Variants in AKAP6 observed in about 807,000 individuals in gnomAD.
The protein encoded by AKAP6 is A-kinase anchor protein 6.
AKAP6 carries 58 observed loss-of-function variants against 188.5 expected under a neutral mutation model. The observed-to-expected ratio is 0.31, with a 90% CI of 0.25 to 0.38. AKAP6 has a LOEUF of 0.38. Among genes scored for constraint, AKAP6 ranks in the 10% least tolerant of loss-of-function variants. The probability of loss-of-function intolerance (pLI) is 1.00; values close to 1 mark genes in which losing one functional copy is unlikely to be tolerated. For missense variants in AKAP6, 2,710 were observed against 2,740.0 expected, an observed-to-expected ratio of 0.99 and a Z score of 0.24; for synonymous variants, 989 against 998.6, an observed-to-expected ratio of 0.99 and a Z score of 0.18.
intron 7 of AKAP6, chr14:32,628,064 G>A (rs1887100438): frequency 6.6e-6 from 1 of 152,080 alleles, no homozygotes; most frequent in Non-Finnish European, 1.5e-5. Context: ...ATGGAAAAAT[G>A]CAACAGTTGT....
intron 12 of AKAP6, among the ~76,000 whole-genome samples, chr14:32,801,990 T>A (rs935744530): frequency 6.6e-6 from 1 of 152,174 alleles, no homozygotes; most frequent in African/African-American, 2.4e-5. Context: ...GATTTTTTGG[T>A]ATTTATCCTG....
intron 7 of AKAP6, among the ~76,000 whole-genome samples, chr14:32,638,862 A>G (rs1311780976): frequency 4.6e-5 from 7 of 152,064 alleles, no homozygotes; most frequent in African/African-American, 1.4e-4. Context: ...ACATAATATA[A>G]CTATAATGCC....
chr14:32,399,362 A>G (rs1889003495), intron 1 of AKAP6, among the ~76,000 whole-genome samples: 3 of 152,202 alleles, frequency 2.0e-5, no homozygotes, highest in African/African-American at 7.2e-5. Flanking sequence ...TTAAAACATG[A>G]TAAAGAGGTT....
intron 11 of AKAP6, among the ~76,000 whole-genome samples, chr14:32,750,779 G>C (rs2032100891): frequency 7.3e-6 from 1 of 136,436 alleles, no homozygotes; most frequent in East Asian, 2.2e-4. Context: ...GTCTCACTCT[G>C]TCACCCACGC....
intron 9 of AKAP6, among the ~76,000 whole-genome samples, chr14:32,723,575 G>GTGTA (rs1188414381): frequency 6.6e-6 from 1 of 151,718 alleles, no homozygotes; most frequent in Non-Finnish European, 1.5e-5. Context: ...GTGTGTGTGT[G>GTGTA]TGTGTGTGTG....
At chr14:32,410,221 A>G (rs1889437351) in intron 1 of AKAP6, among the ~76,000 whole-genome samples, 2 of 152,060 alleles carry the variant, frequency 1.3e-5, no homozygotes, top group South Asian at 4.1e-4. Flanking sequence ...CCAATAAGAA[A>G]TATTTTATAA....
At chr14:32,351,981 G>A (rs947276820) in intron 1 of AKAP6, among the ~76,000 whole-genome samples, 1 of 151,992 alleles carries the variant, frequency 6.6e-6, no homozygotes, top group South Asian at 2.1e-4. Flanking sequence ...TTTGTCTCCA[G>A]TACTCCCATG....
In AKAP6 at chr14:32,726,205, G is replaced by A. The variant is rs1566669574; in HGVS notation, c.3001-6249G>A. ...CAAACAACACCTGAAGATCTTTACT[G>A]CAGACTAAGGAGAAAACTTAGAAGT... On this transcript the variant is annotated intron_variant, in intron 9 of 13. Coordinates refer to ENST00000280979, the MANE Select transcript of AKAP6 (RefSeq NM_004274.5). 3 of 983,738 alleles carry A rather than the reference G, an allele frequency of 3.0e-6. No homozygotes were observed. The South Asian group carries it at 1.4e-4, about 46-fold the overall frequency. 60.9% of individuals were successfully genotyped at this position (983,738 alleles called of 1,614,324 possible).
Position 32,656,897 on chromosome 14 carries a change from C to T in AKAP6, c.2731-21414C>T, listed in dbSNP as rs181465487. Among the ~76,000 whole-genome samples, 57 of 152,238 alleles carry T rather than the reference C, an allele frequency of 3.7e-4. 1 individual carries two copies. Among genetic ancestry groups the T allele is most frequent in the African/African-American group, 1.3e-3 (55 of 41,548 alleles). ...GTAAATATGCTTCTCTCTGTTTATC[C>T]TGCTTATACCTTTCCTGAGTGAAAG... On this transcript the variant is annotated intron_variant, in intron 7 of 13. Transcript: ENST00000280979.
In AKAP6 at chr14:32,600,592, G is replaced by A. The variant is rs778545528; in HGVS notation, c.2567-37G>A. 5.8e-6 allele frequency: 9 copies of A among 1,563,966 alleles called. No homozygotes were observed. In the Middle Eastern group the frequency reaches 5.6e-4, roughly 97 times the overall value. On this transcript the variant is annotated intron_variant, in intron 6 of 13. Transcript: ENST00000280979. The stretch of plus-strand genomic sequence containing the variant: ...AAAATAATGAGTAAAGATTCATTCA[G>A]GCCCACAACTTCTGCTTTCCCCTCC...
intron 4 of AKAP6, among the ~76,000 whole-genome samples, chr14:32,556,695 C>G (rs1883703369): frequency 1.3e-5 from 2 of 152,110 alleles, no homozygotes; most frequent in African/African-American, 4.8e-5. Flanking sequence ...TTATTTTCTC[C>G]CATTCTGTAG....
At chr14:32,391,060 CT>C (rs1370873031) in intron 1 of AKAP6, among the ~76,000 whole-genome samples, 3 of 152,102 alleles carry the variant, frequency 2.0e-5, no homozygotes, top group Non-Finnish European at 2.9e-5. Context: ...GGTACAGGAC[CT>C]ACAGTTGTTC....
chr14:32,673,099 G>A (rs556784632), intron 7 of AKAP6, among the ~76,000 whole-genome samples: 8 of 152,124 alleles, frequency 5.3e-5, no homozygotes, highest in Non-Finnish European at 1.0e-4. Context: ...ACAACTCTGC[G>A]CCCCTGAACA....
chr14:32,718,579 C>T (rs192841095), intron 9 of AKAP6, among the ~76,000 whole-genome samples: 1 of 152,302 alleles, frequency 6.6e-6, no homozygotes, highest in Non-Finnish European at 1.5e-5. Context: ...ACTACTGCCA[C>T]CTTCCTCTTT....
chr14:32,559,354 G>T (rs1382822979), intron 4 of AKAP6, among the ~76,000 whole-genome samples: 1 of 152,176 alleles, frequency 6.6e-6, no homozygotes, highest in Non-Finnish European at 1.5e-5. Context: ...TGGGCCATTT[G>T]TGCCAAGATT....
At chr14:32,556,110 T>C (rs1264102931) in intron 4 of AKAP6, among the ~76,000 whole-genome samples, 1 of 152,120 alleles carries the variant, frequency 6.6e-6, no homozygotes, top group African/African-American at 2.4e-5. Flanking sequence ...CCAATACTTG[T>C]TACTTTCTAG....
intron 7 of AKAP6, among the ~76,000 whole-genome samples, chr14:32,664,155 GA>G (rs141340974): frequency 0.04 from 5,997 of 151,788 alleles, 375 homozygotes; most frequent in African/African-American, 0.12. Context: ...CATTGAAGAG[GA>G]AAAAAAATGT....
intron 7 of AKAP6, among the ~76,000 whole-genome samples, chr14:32,618,682 A>G (rs1886687987): frequency 6.6e-6 from 1 of 152,122 alleles, no homozygotes; most frequent in Admixed American, 6.5e-5. Context: ...TTTTTGATAT[A>G]ATGACTTTGT....
intron 2 of AKAP6, among the ~76,000 whole-genome samples, chr14:32,459,518 A>G (rs1380085996): frequency 6.6e-6 from 1 of 152,104 alleles, no homozygotes; most frequent in African/African-American, 2.4e-5. Flanking sequence ...TAGAACCAAT[A>G]TTAACATCTT....
Sources: gnomAD v4.1 joint callset for allele counts (sites outside exome capture counted in the v4.1 genomes callset) on GRCh38, gnomAD v4.1.1 for gene constraint, MANE v1.5 for transcripts, NCBI Gene and HGNC (gene_info 2026-07-23, HGNC 2026-07-21) for gene names.